Variants in SPATA9 observed in about 807,000 individuals in gnomAD.
The protein encoded by SPATA9 is spermatogenesis associated 9.
Under a neutral mutation model 25.5 loss-of-function variants are expected in SPATA9, and 27 were observed. The observed-to-expected ratio is 1.06, with a 90% CI of 0.78 to 1.46. The LOEUF is 1.46. Among genes scored for constraint, SPATA9 ranks in the 40% most tolerant of loss-of-function variants. The pLI is 0.00. For synonymous variants in SPATA9, 102 were observed against 105.7 expected (o/e 0.97, Z 0.21); for missense variants, 282 against 297.5 (o/e 0.95, Z 0.38).
upstream of SPATA9, among the ~76,000 whole-genome samples, chr5:95,687,479 C>A (rs572979004): frequency 1.3e-5 from 2 of 152,300 alleles, no homozygotes; most frequent in East Asian, 1.9e-4. Context: ...AAATAAAATT[C>A]TCCTGTAAGG....
chr5:95,731,877 G>C, the SPATA9 span: 10 of 1,613,050 alleles, frequency 6.2e-6, no homozygotes, highest in South Asian at 1.1e-4. Flanking sequence ...ACATCGTGGC[G>C]CTGGGGAACG....
chr5:95,700,816 C>T (rs1428646297), upstream of SPATA9, among the ~76,000 whole-genome samples: 1 of 152,164 alleles, frequency 6.6e-6, no homozygotes, highest in Non-Finnish European at 1.5e-5. Flanking sequence ...CGGATTTCAC[C>T]AGTTTTACAT....
At chr5:95,692,901 A>G (rs1753925840) in intron 1 of SPATA9, among the ~76,000 whole-genome samples, 1 of 152,188 alleles carries the variant, frequency 6.6e-6, no homozygotes, top group Non-Finnish European at 1.5e-5. Flanking sequence ...AAGGAGACAT[A>G]TTACTCTAGT....
the SPATA9 span, among the ~76,000 whole-genome samples, chr5:95,704,948 C>CTT: frequency 7.0e-6 from 1 of 142,218 alleles, no homozygotes; most frequent in Non-Finnish European, 1.5e-5. Flanking sequence ...GGATAGAGTA[C>CTT]TTTTTTTTTT....
At chr5:95,667,044 T>C (rs1231505910) in intron 3 of SPATA9, among the ~76,000 whole-genome samples, 1 of 152,202 alleles carries the variant, frequency 6.6e-6, no homozygotes, top group Non-Finnish European at 1.5e-5. Context: ...TTTTATCCTC[T>C]AACAAACCTA....
At chr5:95,722,513 T>C in the SPATA9 span, among the ~76,000 whole-genome samples, 2 of 152,226 alleles carry the variant, frequency 1.3e-5, no homozygotes, top group South Asian at 2.1e-4. Flanking sequence ...TTTTTTGAGA[T>C]GGAGTCTCGC....
At chr5:95,654,637 C>A (rs1361163182), downstream of SPATA9, among the ~76,000 whole-genome samples, 2 of 151,978 alleles carry the variant, frequency 1.3e-5, no homozygotes. Flanking sequence ...TGAAGGCAAC[C>A]TAAATGTTTT....
upstream of SPATA9, among the ~76,000 whole-genome samples, chr5:95,686,343 T>C (rs751470532): frequency 2.0e-5 from 3 of 152,098 alleles, no homozygotes; most frequent in Non-Finnish European, 4.4e-5. Flanking sequence ...CAAAAAATTA[T>C]GTAAAACAAT....
upstream of SPATA9, among the ~76,000 whole-genome samples, chr5:95,686,960 A>G (rs530829395): frequency 5.3e-5 from 8 of 152,298 alleles, no homozygotes; most frequent in South Asian, 1.7e-3. Context: ...CGGACAGCAA[A>G]ACAAAAAAGG....
At chr5:95,680,982 C>T (rs1753404657) in intron 2 of SPATA9, among the ~76,000 whole-genome samples, 1 of 152,214 alleles carries the variant, frequency 6.6e-6, no homozygotes, top group Non-Finnish European at 1.5e-5. Flanking sequence ...CTGTCAGTTT[C>T]AAAGTATGCT....
At chr5:95,661,362 T>C (rs1751247400) in intron 4 of SPATA9, among the ~76,000 whole-genome samples, 1 of 152,108 alleles carries the variant, frequency 6.6e-6, no homozygotes, top group Non-Finnish European at 1.5e-5. Flanking sequence ...ACATCTAACA[T>C]ATATATTGCT....
chr5:95,660,949 A>G (rs1751198789), intron 4 of SPATA9, among the ~76,000 whole-genome samples: 1 of 140,124 alleles, frequency 7.1e-6, no homozygotes, highest in African/African-American at 2.5e-5. Flanking sequence ...TTCTCTATTG[A>G]CTGCTACACA....
At chr5:95,669,945 G>C (rs1752211292) in intron 3 of SPATA9, among the ~76,000 whole-genome samples, 1 of 152,096 alleles carries the variant, frequency 6.6e-6, no homozygotes, top group South Asian at 2.1e-4. Flanking sequence ...AGGGGTTTGA[G>C]GAATAATTTT....
At chr5:95,694,143 G>C (rs113336949) in intron 1 of SPATA9, among the ~76,000 whole-genome samples, 9 of 152,100 alleles carry the variant, frequency 5.9e-5, no homozygotes, top group African/African-American at 2.2e-4. Flanking sequence ...CTGGGAAAGA[G>C]AGCAAGACCT....
At chr5:95,682,489 T>C in intron 2 of SPATA9, 39 bp downstream of exon 2, 1 of 1,368,292 alleles carries the variant, frequency 7.3e-7, no homozygotes, top group Non-Finnish European at 1.0e-6. Flanking sequence ...ATAGAATATA[T>C]TTTTTCTATT....
At chr5:95,715,431 C>T in the SPATA9 span, among the ~76,000 whole-genome samples, 4 of 151,660 alleles carry the variant, frequency 2.6e-5, no homozygotes, top group Middle Eastern at 3.4e-3. Flanking sequence ...ACCAAGTAGA[C>T]GAATAGAAAA....
rs1753589785 is a variant in SPATA9 at position 95,682,952 on chromosome 5, C to T, written c.-98G>A. 1.4e-6 allele frequency: 2 copies of T among 1,393,460 alleles called. No individual in the cohort carries two copies. Among genetic ancestry groups the T allele is most frequent in the Admixed American group, 5.6e-5 (2 of 35,424 alleles). The allele number at this position is 1,393,460 out of a possible 1,614,324, so 86.3% of individuals were successfully genotyped here. A position where few individuals can be genotyped will look rare whatever the true frequency, so the allele number is the denominator to read the frequency against. ...TTAGTGAAAGATGAGGGTAGCCTTC[C>T]ACTTGGGAAAGCCAGCAAGGACAGA... On this transcript the variant is annotated 5_prime_UTR_variant, in exon 1 of 5. Coordinates refer to ENST00000274432, the MANE Select transcript of SPATA9 (RefSeq NM_031952.4).
chr5:95,726,071 TA>T, the SPATA9 span, among the ~76,000 whole-genome samples: 1 of 152,214 alleles, frequency 6.6e-6, no homozygotes, highest in African/African-American at 2.4e-5. Context: ...TCAAATACCA[TA>T]AAGTGGAACA....
the SPATA9 span, chr5:95,713,767 TA>T: frequency 6.6e-6 from 1 of 152,110 alleles, no homozygotes; most frequent in Non-Finnish European, 1.5e-5. Flanking sequence ...AGTAAATTCT[TA>T]AATTCCAATG....
Sources: gnomAD v4.1 joint callset for allele counts (sites outside exome capture counted in the v4.1 genomes callset) on GRCh38, gnomAD v4.1.1 for gene constraint, MANE v1.5 for transcripts, NCBI Gene and HGNC (gene_info 2026-07-23, HGNC 2026-07-21) for gene names.